IRS1: variants seen among roughly 807,000 people sequenced by gnomAD.
IRS1 encodes the protein insulin receptor substrate 1.
A neutral mutation model predicts 65.6 loss-of-function variants in IRS1; 34 were observed. The ratio of observed to expected loss-of-function variants is 0.52; its 90% CI spans 0.39 to 0.69. IRS1 has a LOEUF of 0.69. IRS1 is among the 30% of genes least tolerant of loss of function. The pLI is 0.00. For synonymous variants in IRS1, 699 were observed against 683.5 expected, an observed-to-expected ratio of 1.02 and a Z score of -0.35; for missense variants, 1,641 against 1,720.2, an observed-to-expected ratio of 0.95 and a Z score of 0.81.
chr2:226,741,328 G>A (rs752667608), intron 1 of IRS1, among the ~76,000 whole-genome samples: 6 of 152,034 alleles, frequency 3.9e-5, no homozygotes, highest in African/African-American at 7.2e-5. Context: ...TCATCCCAAC[G>A]CATTGTATAA....
chr2:226,764,746 C>T (rs1037850488), intron 1 of IRS1, among the ~76,000 whole-genome samples: 1 of 152,124 alleles, frequency 6.6e-6, no homozygotes, highest in Non-Finnish European at 1.5e-5. Context: ...TGTGAATCCT[C>T]GCGCAATTCA....
At position 226,732,526 on chromosome 2, in the gene IRS1, GTA is replaced by G. The variant is rs1186553384; in HGVS notation, c.*3744_*3745del. On this transcript the variant is annotated 3_prime_UTR_variant, in exon 2 of 2. Coordinates refer to ENST00000305123, the MANE Select transcript of IRS1 (RefSeq NM_005544.3). Reference sequence around the variant, plus strand: ...CACATATGTGTATCTATATATGTGTGTATATATATCTATATATGTGTATATAT... The same window carrying G: ...CACATATGTGTATCTATATATGTGTGTATATATCTATATATGTGTATATAT... The G allele has an allele frequency of 2.1e-5, 3 of 144,638 alleles. No homozygotes were observed. Among genetic ancestry groups the G allele is most frequent in the African/African-American group, 7.7e-5 (3 of 38,986 alleles). The allele number at this position is 144,638 out of a possible 1,614,324, so 9.0% of individuals were successfully genotyped here.
chr2:226,769,937 C>T (rs1186908228), intron 1 of IRS1, among the ~76,000 whole-genome samples: 2 of 152,092 alleles, frequency 1.3e-5, no homozygotes, highest in African/African-American at 4.8e-5. Context: ...CTCCCAGTTT[C>T]ACTGCTCTCC....
In IRS1 at chr2:226,798,627, C is replaced by A. The variant is rs1299700780; in HGVS notation, c.112G>T (p.Ala38Ser). The A allele has an allele frequency of 4.3e-6, 7 of 1,612,918 alleles. No homozygotes were observed. Among genetic ancestry groups the A allele is most frequent in the Non-Finnish European group, 5.9e-6 (7 of 1,179,566 alleles). ...TACTCGAGGCGCGCCGGGCCCCCAG[C>A]CTCGCTGGCCGCGCGCAGTACGAAG... ...RFFVLRAASE[A>S]GGPARLEYYE... Residue 38 changes from alanine (A) to serine (S), a missense_variant, in exon 1 of 2, where the codon GCT (alanine) becomes TCT (serine). By Grantham distance (99) the Ala-to-Ser change is moderately conservative. Transcript: ENST00000305123. This position sits in a 1 kb window ranked among gnomAD's most constrained non-coding sequence, Gnocchi z 9.4.
rs1479871720 is a variant in IRS1, at chr2:226,795,818, C to T, written c.2921G>A (p.Ser974Asn). The change falls in exon 1 of 2, where the codon AGC becomes AAC. Residue 974 changes from serine (S) to asparagine (N), a missense_variant. Coordinates refer to ENST00000305123, the MANE Select transcript of IRS1 (RefSeq NM_005544.3). ...CACTGCCCGGGTAGGCCTGCAAATG[C>T]TAGCAGCCCCGGGAGGTGCAGGGCC... Reference protein sequence around the residue: ...RLGPAPPGAASICRPTRAVPS... With the variant: ...RLGPAPPGAANICRPTRAVPS... The T allele has an allele frequency of 6.2e-7, 1 of 1,612,970 alleles. No individual in the cohort carries two copies. Among genetic ancestry groups the T allele is most frequent in the Admixed American group, 1.7e-5 (1 of 60,024 alleles).
rs1047925660 is a variant in IRS1 at position 226,731,438 on chromosome 2, C to T, written c.*4834G>A. 4 of 151,794 alleles carry T rather than the reference C, an allele frequency of 2.6e-5. No individual in the cohort carries two copies. The highest frequency in any genetic ancestry group is 7.3e-5 in the African/African-American group (3 of 41,298). The allele number at this position is 151,794 out of a possible 1,614,324, so 9.4% of individuals were successfully genotyped here. A position where few individuals can be genotyped will look rare whatever the true frequency, so the allele number is the denominator to read the frequency against. ...TTTTCTTTAATTGATGATGAAGACA[C>T]TACAATTCTAAGTACCAGACAGAAT... On this transcript the variant is annotated 3_prime_UTR_variant, in exon 2 of 2. Coordinates refer to ENST00000305123, the MANE Select transcript of IRS1 (RefSeq NM_005544.3).
chr2:226,792,348 ACT>A (rs1238942669), intron 1 of IRS1: 2 of 152,116 alleles, frequency 1.3e-5, no homozygotes, highest in African/African-American at 4.8e-5. Context: ...CTCTCAATTT[ACT>A]CTCTGCAGAG....
chr2:226,774,846 C>T (rs1939238202), intron 1 of IRS1, among the ~76,000 whole-genome samples: 1 of 152,112 alleles, frequency 6.6e-6, no homozygotes, highest in Admixed American at 6.5e-5. Context: ...GATAAGAATA[C>T]ATACTATAAT....
At chr2:226,745,350 T>TA (rs973176474) in intron 1 of IRS1, among the ~76,000 whole-genome samples, 6 of 152,222 alleles carry the variant, frequency 3.9e-5, no homozygotes, top group Admixed American at 3.3e-4. Flanking sequence ...GATTTTGAAT[T>TA]AAAAAATGTA....
At chr2:226,753,765 G>A (rs943935707) in intron 1 of IRS1, among the ~76,000 whole-genome samples, 3 of 152,138 alleles carry the variant, frequency 2.0e-5, no homozygotes, top group African/African-American at 4.8e-5. Context: ...CTCATAGTTG[G>A]CAGTGTTCTA....
intron 1 of IRS1, among the ~76,000 whole-genome samples, chr2:226,776,913 T>C (rs562663617): frequency 1.3e-5 from 2 of 151,910 alleles, no homozygotes; most frequent in African/African-American, 4.8e-5. Flanking sequence ...GTGGTCTTCA[T>C]CCCCAAAACA....
At chr2:226,767,200 TA>T (rs1318445443) in intron 1 of IRS1, among the ~76,000 whole-genome samples, 1 of 152,198 alleles carries the variant, frequency 6.6e-6, no homozygotes, top group Non-Finnish European at 1.5e-5. Context: ...CTCTACTTCC[TA>T]AAACATACAG....
chr2:226,741,563 C>T (rs1271915834), intron 1 of IRS1, among the ~76,000 whole-genome samples: 1 of 152,088 alleles, frequency 6.6e-6, no homozygotes, highest in Non-Finnish European at 1.5e-5. Flanking sequence ...TGTAACCTCT[C>T]TCTATTCTGT....
chr2:226,751,882 C>A (rs969621379), intron 1 of IRS1, among the ~76,000 whole-genome samples: 8 of 152,098 alleles, frequency 5.3e-5, no homozygotes, highest in African/African-American at 1.7e-4. Context: ...AACCACAAAG[C>A]ACAAATTTGA....
At chr2:226,790,829 A>G (rs1418251359) in intron 1 of IRS1, among the ~76,000 whole-genome samples, 5 of 152,166 alleles carry the variant, frequency 3.3e-5, no homozygotes, top group Non-Finnish European at 5.9e-5. Context: ...TATCTCACAT[A>G]ATTTTGGTTA....
chr2:226,745,320 CAAGT>C (rs1275993239), intron 1 of IRS1, among the ~76,000 whole-genome samples: 3 of 152,146 alleles, frequency 2.0e-5, no homozygotes, highest in Non-Finnish European at 4.4e-5. Flanking sequence ...TTCTGAGTGA[CAAGT>C]GAGTAACCTG....
In IRS1 at chr2:226,799,495, C is replaced by G. The variant is rs1939845390; in HGVS notation, c.-757G>C. ...AAACGATACCGGGCAGCCACTGCAG[C>G]TGGGGACCGGCCGGAGGGACAGACT... On this transcript the variant is annotated 5_prime_UTR_variant, in exon 1 of 2. Coordinates refer to ENST00000305123, the MANE Select transcript of IRS1 (RefSeq NM_005544.3). This position sits in a 1 kb window ranked among gnomAD's most constrained non-coding sequence, Gnocchi z 6.1. 1 of 1,145,536 alleles carries G rather than the reference C, an allele frequency of 8.7e-7. No individual in the cohort carries two copies. Among genetic ancestry groups the G allele is most frequent in the Admixed American group, 4.1e-5 (1 of 24,546 alleles). 71.0% of individuals were successfully genotyped at this position (1,145,536 alleles called of 1,614,324 possible).
chr2:226,749,194 T>C (rs984876339), intron 1 of IRS1, among the ~76,000 whole-genome samples: 20 of 152,242 alleles, frequency 1.3e-4, no homozygotes, highest in African/African-American at 4.6e-4. Flanking sequence ...CATTAAATTA[T>C]TACATGTCAC....
intron 1 of IRS1, among the ~76,000 whole-genome samples, chr2:226,777,179 T>G (rs1300986014): frequency 6.6e-6 from 1 of 152,182 alleles, no homozygotes. Flanking sequence ...ATGTGTCACA[T>G]TAGTTCATTG....
Sources: gnomAD v4.1 joint callset for allele counts (sites outside exome capture counted in the v4.1 genomes callset) on GRCh38, gnomAD v4.1.1 for gene constraint, Gnocchi (gnomAD v3.1) non-coding constraint, MANE v1.5 for transcripts, NCBI Gene and HGNC (gene_info 2026-07-23, HGNC 2026-07-21) for gene names.